MAK: variants seen among roughly 807,000 people sequenced by gnomAD.
MAK encodes serine/threonine-protein kinase MAK.
Under a neutral mutation model 82.6 loss-of-function variants are expected in MAK, and 65 were observed. The observed-to-expected ratio is 0.79, with a 90% confidence interval of 0.64 to 0.97. The LOEUF (loss-of-function observed/expected upper bound fraction) is 0.97. Among genes scored for constraint, MAK ranks in the 50% least tolerant of loss-of-function variants. MAK has a pLI of 0.00. For synonymous variants in MAK, 250 were observed against 274.2 expected (o/e 0.91, Z 0.87); for missense variants, 703 against 780.2 (o/e 0.90, Z 1.18).
At chr6:10,792,193 C>T (rs1775147218) in intron 9 of MAK, among the ~76,000 whole-genome samples, 1 of 152,156 alleles carries the variant, frequency 6.6e-6, no homozygotes, top group Admixed American at 6.5e-5. Flanking sequence ...TAGTGTCCTC[C>T]TTAAGTGGGG....
chr6:10,802,313 G>T (rs1776081443), intron 7 of MAK: 1 of 428,202 alleles, frequency 2.3e-6, no homozygotes, highest in Non-Finnish European at 4.2e-6. Flanking sequence ...TTGTTTTTTT[G>T]TGTTTTTTTT....
At chr6:10,780,644 G>A (rs1036560383) in intron 11 of MAK, among the ~76,000 whole-genome samples, 1 of 151,564 alleles carries the variant, frequency 6.6e-6, no homozygotes, top group East Asian at 1.9e-4. Flanking sequence ...TAGTAGAGAC[G>A]GAATTTCACC....
intron 2 of MAK, among the ~76,000 whole-genome samples, chr6:10,819,225 G>C (rs1272769718): frequency 1.3e-5 from 2 of 152,052 alleles, no homozygotes; most frequent in Non-Finnish European, 1.5e-5. Flanking sequence ...TTTCTTAAAG[G>C]GTCCTTTTCA....
intron 11 of MAK, among the ~76,000 whole-genome samples, chr6:10,775,937 C>A (rs1481658597): frequency 6.6e-6 from 1 of 152,090 alleles, no homozygotes; most frequent in Admixed American, 6.6e-5. Context: ...TACAGGCACC[C>A]ACCACCATGC....
At chr6:10,818,372 G>C (rs1777653468) in intron 3 of MAK, among the ~76,000 whole-genome samples, 1 of 152,224 alleles carries the variant, frequency 6.6e-6, no homozygotes, top group South Asian at 2.1e-4. Flanking sequence ...CCAGCACTTT[G>C]GGAGGCTGAG....
intron 6 of MAK, among the ~76,000 whole-genome samples, chr6:10,805,160 G>A (rs1008378932): frequency 6.6e-6 from 1 of 152,140 alleles, no homozygotes; most frequent in Non-Finnish European, 1.5e-5. Flanking sequence ...TCCAGGACAC[G>A]CTGTTGCCAC....
intron 10 of MAK, among the ~76,000 whole-genome samples, chr6:10,788,057 G>A (rs943333760): frequency 6.6e-6 from 1 of 151,662 alleles, no homozygotes; most frequent in East Asian, 2.0e-4. Flanking sequence ...CTGTTGCCCA[G>A]GCTGGGGTGC....
intron 1 of MAK, among the ~76,000 whole-genome samples, chr6:10,836,273 A>G (rs181965830): frequency 3.2e-3 from 491 of 152,286 alleles, no homozygotes; most frequent in Non-Finnish European, 5.3e-3. Flanking sequence ...AGCCCTACCT[A>G]ACCTTTAAGT....
In MAK at chr6:10,822,810, T is replaced by C. The variant is rs116745888; in HGVS notation, c.102-3870A>G. Among the ~76,000 whole-genome samples the C allele has an allele frequency of 1.1e-3, 164 of 152,250 alleles. 1 individual carries two copies. Among genetic ancestry groups the C allele is most frequent in the Admixed American group, 2.6e-3 (40 of 15,294 alleles). On this transcript the variant is annotated intron_variant, in intron 2 of 14. Transcript: ENST00000354489. ...GAAATAGAACTACCTCTCAAGTTCT[T>C]AAAGGGCAGAGGGCTTAATAGATAT...
chr6:10,787,064 A>G (rs1217789429), intron 10 of MAK, among the ~76,000 whole-genome samples: 9 of 138,780 alleles, frequency 6.5e-5, no homozygotes, highest in Admixed American at 5.6e-4. Context: ...TTCACCTCCT[A>G]TTCACCACTC....
intron 14 of MAK, among the ~76,000 whole-genome samples, chr6:10,768,402 A>C (rs1339097951): frequency 6.6e-6 from 1 of 152,116 alleles, no homozygotes; most frequent in Non-Finnish European, 1.5e-5. Context: ...ACACAGTGAA[A>C]CTGCGTCTCT....
At chr6:10,829,014 A>G (rs991672172) in intron 2 of MAK, 2 of 152,194 alleles carry the variant, frequency 1.3e-5, no homozygotes, top group Admixed American at 1.3e-4. Context: ...CAGCAGCCCT[A>G]GCAAACCAAG....
intron 2 of MAK, among the ~76,000 whole-genome samples, chr6:10,830,137 G>C (rs1158440583): frequency 6.7e-6 from 1 of 149,374 alleles, no homozygotes; most frequent in Non-Finnish European, 1.5e-5. Context: ...GTGTGTGTGT[G>C]TGTGTGTGTG....
chr6:10,795,684 C>T (rs1347036607), intron 9 of MAK, among the ~76,000 whole-genome samples: 1 of 152,098 alleles, frequency 6.6e-6, no homozygotes, highest in Non-Finnish European at 1.5e-5. Flanking sequence ...TCAGAGATTG[C>T]AGTGAGCTAA....
At chr6:10,831,551 G>T (rs995369363) in intron 1 of MAK, among the ~76,000 whole-genome samples, 5 of 152,124 alleles carry the variant, frequency 3.3e-5, no homozygotes, top group Non-Finnish European at 7.3e-5. Flanking sequence ...AGGAGTTCAA[G>T]ACCAGCCTGG....
At chr6:10,818,725 ACATCAG>A (rs1777689353) in intron 3 of MAK, among the ~76,000 whole-genome samples, 155 bp downstream of exon 3, 4 of 152,208 alleles carry the variant, frequency 2.6e-5, no homozygotes, top group African/African-American at 9.7e-5. Context: ...TTCTCCACTG[ACATCAG>A]AACCAGAAGA....
rs756912445 is a variant in MAK, at chr6:10,796,306, A to G, written c.835T>C (p.Leu279=). Residue 279 remains leucine, a synonymous_variant, in exon 9 of 15, where the codon TTG becomes CTG. Transcript: ENST00000354489. ...PKKRPTASQA[L]KHPYFQVGQV... ...CCAACTTGAAAATATGGGTGTTTCA[A>G]TGCCTATAAAAACACAGAGAAAACA... is the stretch of plus-strand genomic sequence containing the variant. 1.9e-6 allele frequency: 3 copies of G among 1,611,782 alleles called. No homozygotes were observed. Among genetic ancestry groups the G allele is most frequent in the Non-Finnish European group, 2.5e-6 (3 of 1,179,208 alleles).
At chr6:10,798,114 CTTT>C (rs554907132) in intron 8 of MAK, 72 of 138,470 alleles carry the variant, frequency 5.2e-4, no homozygotes, top group Middle Eastern at 3.5e-3. Context: ...CAACTCTTCC[CTTT>C]TTTTTTTTTT....
intron 1 of MAK, among the ~76,000 whole-genome samples, chr6:10,832,401 G>A (rs1778875298): frequency 6.6e-6 from 1 of 152,238 alleles, no homozygotes; most frequent in East Asian, 1.9e-4. Flanking sequence ...ACATATTACA[G>A]AGAAATCTTT....
Sources: allele counts gnomAD v4.1 joint callset (sites outside exome capture counted in the v4.1 genomes callset), GRCh38; gene constraint gnomAD v4.1.1; transcripts MANE v1.5; gene names NCBI Gene and HGNC (gene_info 2026-07-23, HGNC 2026-07-21).